The following DAPK1 variants were observed in gnomAD, a reference collection of about 807,000 sequenced individuals.
DAPK1 encodes death-associated protein kinase 1.
Under a neutral mutation model 144.9 loss-of-function variants are expected in DAPK1, and 56 were observed. The ratio of observed to expected loss-of-function variants is 0.39; its 90% CI spans 0.31 to 0.48. The LOEUF (loss-of-function observed/expected upper bound fraction) is 0.48, where lower values mean the gene tolerates loss of function less well. Ranked by LOEUF, DAPK1 falls within the 20% of genes least tolerant of loss-of-function variation. The pLI is 0.95. For synonymous variants in DAPK1, 690 were observed against 749.0 expected, an observed-to-expected ratio of 0.92 and a Z score of 1.29; for missense variants, 1,454 against 1,875.4, an observed-to-expected ratio of 0.78 and a Z score of 4.15.
Position 87,646,820 on chromosome 9 carries a change from A to G in DAPK1, c.1230+261A>G, listed in dbSNP as rs527246276. Among the ~76,000 whole-genome samples, 4 of 152,266 alleles carry G rather than the reference A, an allele frequency of 2.6e-5. No homozygotes were observed. The South Asian group carries it at 8.3e-4, about 32-fold the overall frequency. On this transcript the variant is annotated intron_variant, in intron 13 of 25. Transcript: ENST00000408954. The stretch of plus-strand genomic sequence containing the variant: ...ACTACCCAGATTTTACTTCTTACCG[A>G]TCACATTTACTCAACAATGTTAGAT...
At chr9:87,642,126 T>C in intron 10 of DAPK1, 68 bp downstream of exon 10, 1 of 1,286,574 alleles carries the variant, frequency 7.8e-7, no homozygotes, top group South Asian at 1.3e-5. Context: ...GTGGTCAGGG[T>C]GCATCTCCTC....
rs575752217 is a variant in DAPK1, at chr9:87,498,036, C to T, written c.-180C>T. ...TGTTCCCGCCGCCGCCCCGGCTAGT[C>T]TCCGGCGCTGGCGCCTATGGTCGGC... On this transcript the variant is annotated 5_prime_UTR_variant, in exon 1 of 26. Coordinates refer to ENST00000408954, the MANE Select transcript of DAPK1 (RefSeq NM_004938.4). 1.3e-5 allele frequency: 5 copies of T among 397,824 alleles called. No homozygotes were observed. Among genetic ancestry groups the T allele is most frequent in the African/African-American group, 1.0e-4 (5 of 48,624 alleles). 24.6% of individuals were successfully genotyped at this position (397,824 alleles called of 1,614,324 possible).
At chr9:87,577,989 G>C (rs1037622032) in intron 2 of DAPK1, among the ~76,000 whole-genome samples, 1 of 152,084 alleles carries the variant, frequency 6.6e-6, no homozygotes, top group Non-Finnish European at 1.5e-5. Context: ...GATGAGGCGC[G>C]AGAAGCTACC....
intron 3 of DAPK1, among the ~76,000 whole-genome samples, chr9:87,616,151 C>A (rs1587772568): frequency 6.6e-6 from 1 of 152,344 alleles, no homozygotes; most frequent in East Asian, 1.9e-4. Flanking sequence ...TCTTGCCCCT[C>A]ATTTCTTAGC....
chr9:87,642,504 GGTGGCCT>G (rs1460399621), intron 10 of DAPK1, among the ~76,000 whole-genome samples: 1 of 152,096 alleles, frequency 6.6e-6, no homozygotes, highest in Admixed American at 6.5e-5. Flanking sequence ...GCATTTGCAG[GGTGGCCT>G]GTTCTCCTTC....
chr9:87,559,562 C>T (rs552650272), intron 2 of DAPK1, among the ~76,000 whole-genome samples: 1 of 152,318 alleles, frequency 6.6e-6, no homozygotes, highest in African/African-American at 2.4e-5. Flanking sequence ...TTCCCTGCAG[C>T]TGAGGGCCCT....
rs36210038 is a variant in DAPK1 at position 87,629,253 on chromosome 9, C to T, written c.285-8690C>T. Among the ~76,000 whole-genome samples, 22 of 152,184 alleles carry T rather than the reference C, an allele frequency of 1.4e-4. 1 individual carries two copies. In the East Asian group the frequency reaches 2.1e-3, roughly 15 times the overall value. On this transcript the variant is annotated intron_variant, in intron 3 of 25. Coordinates refer to ENST00000408954, the MANE Select transcript of DAPK1 (RefSeq NM_004938.4). The stretch of plus-strand genomic sequence containing the variant: ...GTGGAGGGCGGTCTACAGGGAGAGA[C>T]GCAGGGAAAGTGCCAGTTGCAGGCG...
intron 2 of DAPK1, among the ~76,000 whole-genome samples, chr9:87,500,059 A>AT (rs1182201278): frequency 1.3e-5 from 2 of 152,168 alleles, no homozygotes; most frequent in African/African-American, 4.8e-5. Context: ...TGAAATATGT[A>AT]TTTTCCCATA....
rs2282012 is a variant in DAPK1, at chr9:87,657,972, T to G, written c.1825-57T>G. On this transcript the variant is annotated intron_variant, in intron 17 of 25. Coordinates refer to ENST00000408954, the MANE Select transcript of DAPK1 (RefSeq NM_004938.4). Reference sequence around the variant, plus strand: ...TCCTTAACCTTGTGTCTCCGGAATGTCATCCTCAGCAACTGCGTGAGAAGA... The same window carrying G: ...TCCTTAACCTTGTGTCTCCGGAATGGCATCCTCAGCAACTGCGTGAGAAGA... The G allele has an allele frequency of 8.4e-3, 6,197 of 740,572 alleles. 147 individuals carry two copies. The highest frequency in any genetic ancestry group is 0.057 in the East Asian group (2,186 of 38,382). The allele number at this position is 740,572 out of a possible 1,614,324, so 45.9% of individuals were successfully genotyped here.
At chr9:87,635,978 A>G (rs765704196) in intron 3 of DAPK1, among the ~76,000 whole-genome samples, 21 of 152,128 alleles carry the variant, frequency 1.4e-4, no homozygotes, top group Admixed American at 2.6e-4. Context: ...ACAATCTCCC[A>G]CTTTTTCCCC....
chr9:87,641,744 C>T (rs1239809529), intron 9 of DAPK1, among the ~76,000 whole-genome samples: 1 of 152,194 alleles, frequency 6.6e-6, no homozygotes, highest in Non-Finnish European at 1.5e-5. Context: ...TGACCCCAAG[C>T]TCTACTTCTC....
chr9:87,555,129 A>C (rs1388297214), intron 2 of DAPK1, among the ~76,000 whole-genome samples: 1 of 152,236 alleles, frequency 6.6e-6, no homozygotes, highest in African/African-American at 2.4e-5. Flanking sequence ...TTATGACTTA[A>C]GGACTTGGGG....
intron 17 of DAPK1, among the ~76,000 whole-genome samples, chr9:87,652,774 G>T (rs1830498246): frequency 6.8e-6 from 1 of 147,262 alleles, no homozygotes; most frequent in African/African-American, 2.5e-5. Context: ...CTGATCCCGG[G>T]TCCTGATTCT....
chr9:87,553,143 T>A (rs1587711721), intron 2 of DAPK1, among the ~76,000 whole-genome samples: 1 of 152,270 alleles, frequency 6.6e-6, no homozygotes, highest in African/African-American at 2.4e-5. Context: ...GTCCTGATAT[T>A]GTTGATATTT....
At chr9:87,576,739 G>A (rs1827576802) in intron 2 of DAPK1, among the ~76,000 whole-genome samples, 1 of 152,166 alleles carries the variant, frequency 6.6e-6, no homozygotes, top group Non-Finnish European at 1.5e-5. Flanking sequence ...TGTATTTTTA[G>A]TAGAGACGGG....
intron 3 of DAPK1, among the ~76,000 whole-genome samples, chr9:87,612,486 C>T (rs1438188900): frequency 2.0e-5 from 3 of 152,130 alleles, no homozygotes; most frequent in Non-Finnish European, 2.9e-5. Context: ...ACCATCCCTA[C>T]CAACGTACTG....
chr9:87,606,660 C>T (rs1419295548), intron 3 of DAPK1, among the ~76,000 whole-genome samples: 10 of 127,670 alleles, frequency 7.8e-5, no homozygotes, highest in African/African-American at 2.9e-4. Context: ...TCCTTCCTTC[C>T]TTCCTCCCTC....
chr9:87,616,814 G>A (rs1312026754), intron 3 of DAPK1, among the ~76,000 whole-genome samples: 2 of 152,286 alleles, frequency 1.3e-5, no homozygotes, highest in East Asian at 1.9e-4. Context: ...CCAAATCCAC[G>A]GCCACATGGC....
At chr9:87,666,167 G>A in intron 18 of DAPK1, among the ~76,000 whole-genome samples, 1 of 152,140 alleles carries the variant, frequency 6.6e-6, no homozygotes, top group East Asian at 1.9e-4. Context: ...CTGGCACTGT[G>A]CTGGTTCTTT....
Sources: gnomAD v4.1 joint callset for allele counts (sites outside exome capture counted in the v4.1 genomes callset) on GRCh38, gnomAD v4.1.1 for gene constraint, MANE v1.5 for transcripts, NCBI Gene and HGNC (gene_info 2026-07-23, HGNC 2026-07-21) for gene names.